The following COP1 variants were observed in gnomAD, a reference collection of about 807,000 sequenced individuals.
COP1 encodes the protein COP1 E3 ubiquitin ligase.
COP1 carries 24 observed loss-of-function variants against 101.3 expected under a neutral mutation model. That is an observed-to-expected ratio of 0.24 (90% CI 0.17 to 0.33). The LOEUF (loss-of-function observed/expected upper bound fraction) is 0.33, where lower values mean the gene tolerates loss of function less well. Ranked by LOEUF, COP1 falls within the 10% of genes least tolerant of loss-of-function variation. The pLI, the probability that COP1 is intolerant of heterozygous loss-of-function variation, is 1.00. For synonymous variants in COP1, 347 were observed against 341.9 expected (o/e 1.01, Z -0.17); for missense variants, 663 against 906.2 (o/e 0.73, Z 3.45).
chr1:176,058,135 TG>T lies in COP1; in HGVS notation c.1278-11812del, dbSNP rs1269113035. Among the ~76,000 whole-genome samples, 23 of 68,136 alleles carry T rather than the reference TG, an allele frequency of 3.4e-4. 2 individuals are homozygous for T. Among genetic ancestry groups the T allele is most frequent in the African/African-American group, 9.7e-4 (19 of 19,638 alleles). 44.7% of individuals were successfully genotyped at this position (68,136 alleles called of 152,430 possible). A position where few individuals can be genotyped will look rare whatever the true frequency, so the allele number is the denominator to read the frequency against. ...CCACCCCGTCGGGAGGGAGGTGGGGTGGGGGGGGGGTCAGCCCCCGCCCGGC... is the reference window on the plus strand; with the variant it reads ...CCACCCCGTCGGGAGGGAGGTGGGGTGGGGGGGGGTCAGCCCCCGCCCGGC... On this transcript the variant is annotated intron_variant, in intron 11 of 19. Transcript: ENST00000367669.
At chr1:176,168,822 G>A in intron 3 of COP1, 1 of 193,366 alleles carries the variant, frequency 5.2e-6, no homozygotes, top group Non-Finnish European at 1.1e-5. Flanking sequence ...ATGCAGGGAA[G>A]GGAAGTCAGG....
chr1:176,061,854 A>G (rs943800687), intron 11 of COP1, among the ~76,000 whole-genome samples: 1 of 152,210 alleles, frequency 6.6e-6, no homozygotes, highest in African/African-American at 2.4e-5. Context: ...AGTATCACTC[A>G]TGTTCCTTGA....
intron 15 of COP1, among the ~76,000 whole-genome samples, chr1:176,004,220 G>A (rs1223041507): frequency 1.3e-5 from 2 of 149,530 alleles, no homozygotes; most frequent in Admixed American, 1.3e-4. Context: ...AGACTTTGCT[G>A]AAGTTGCTTA....
rs751642355 is a variant in COP1, at chr1:176,100,282, G to T, written c.1027-14392C>A. ...CAGGCGCCGGTAATCCCAGCTACTT[G>T]GGAGGGTGAGGCAGGAGAATCGCTT... On this transcript the variant is annotated intron_variant, in intron 9 of 19. Coordinates refer to ENST00000367669, the MANE Select transcript of COP1 (RefSeq NM_022457.7). The T allele has an allele frequency of 5.0e-5, 11 of 219,036 alleles. No individual in the cohort carries two copies. The South Asian group carries it at 5.3e-4, about 10-fold the overall frequency. 13.6% of individuals were successfully genotyped at this position (219,036 alleles called of 1,614,324 possible). A position where few individuals can be genotyped will look rare whatever the true frequency, so the allele number is the denominator to read the frequency against.
rs79656503 is a variant in COP1, at chr1:176,101,208, G to A, written c.1027-15318C>T. On this transcript the variant is annotated intron_variant, in intron 9 of 19. Coordinates refer to ENST00000367669, the MANE Select transcript of COP1 (RefSeq NM_022457.7). ...TGACACCCATGGGTGGCACCCTATCGTGGCTGGTGGGACTCGGGATCCAAG... is the reference window on the plus strand; with the variant it reads ...TGACACCCATGGGTGGCACCCTATCATGGCTGGTGGGACTCGGGATCCAAG... Among the ~76,000 whole-genome samples the A allele has an allele frequency of 5.9e-5, 9 of 152,006 alleles. No individual in the cohort carries two copies. The East Asian group carries it at 1.4e-3, about 23-fold the overall frequency.
At chr1:175,945,356 TGAACTCTTTCA>T (rs1250831846) in intron 19 of COP1, among the ~76,000 whole-genome samples, 186 bp from the exon 20 acceptor site, 1 of 152,274 alleles carries the variant, frequency 6.6e-6, no homozygotes, top group Non-Finnish European at 1.5e-5. Flanking sequence ...AACAGCTGCA[TGAACTCTTTCA>T]GATGAGCTAT....
intron 15 of COP1, among the ~76,000 whole-genome samples, chr1:175,994,669 G>T (rs1557870770): frequency 6.6e-6 from 1 of 152,198 alleles, no homozygotes; most frequent in Non-Finnish European, 1.5e-5. Context: ...TAATGGTAAA[G>T]AAATCAATTC....
chr1:175,975,702 C>T (rs993493414), intron 18 of COP1, among the ~76,000 whole-genome samples: 2 of 152,114 alleles, frequency 1.3e-5, no homozygotes, highest in African/African-American at 2.4e-5. Context: ...AGTCACTGCA[C>T]CTGGCCAACC....
chr1:176,198,613 T>C (rs1329057500), intron 1 of COP1, among the ~76,000 whole-genome samples: 2 of 152,062 alleles, frequency 1.3e-5, no homozygotes, highest in Admixed American at 6.5e-5. Context: ...CTGAAAACTT[T>C]ATCGATACAT....
At chr1:176,151,698 C>T (rs1486781474) in intron 5 of COP1, among the ~76,000 whole-genome samples, 1 of 152,160 alleles carries the variant, frequency 6.6e-6, no homozygotes, top group African/African-American at 2.4e-5. Context: ...ATGTGAACTG[C>T]CTATTAAACT....
At chr1:176,192,454 T>C (rs1035227011) in intron 1 of COP1, among the ~76,000 whole-genome samples, 1 of 152,162 alleles carries the variant, frequency 6.6e-6, no homozygotes, top group East Asian at 1.9e-4. Flanking sequence ...TTCTCAAGAC[T>C]ACCCGCTTAC....
At chr1:176,055,660 A>G (rs983801907) in intron 11 of COP1, among the ~76,000 whole-genome samples, 2 of 152,194 alleles carry the variant, frequency 1.3e-5, no homozygotes, top group African/African-American at 4.8e-5. Flanking sequence ...CCTGATAGGC[A>G]TAGTTAACCC....
intron 1 of COP1, among the ~76,000 whole-genome samples, chr1:176,199,865 G>GT (rs1382997221): frequency 6.6e-6 from 1 of 152,202 alleles, no homozygotes; most frequent in Non-Finnish European, 1.5e-5. Context: ...GTGTATTCAT[G>GT]TGTCAAAACT....
At chr1:176,140,785 T>C (rs551213389) in intron 6 of COP1, among the ~76,000 whole-genome samples, 2 of 152,306 alleles carry the variant, frequency 1.3e-5, no homozygotes, top group East Asian at 3.9e-4. Flanking sequence ...ATCACATTTA[T>C]CTTAACACCA....
At chr1:176,090,449 G>A (rs1245082485) in intron 9 of COP1, among the ~76,000 whole-genome samples, 4 of 151,950 alleles carry the variant, frequency 2.6e-5, no homozygotes, top group Non-Finnish European at 5.9e-5. Flanking sequence ...ATTTTATAGC[G>A]TTTGACTCTC....
chr1:175,950,476 G>A (rs1029599495), intron 18 of COP1, among the ~76,000 whole-genome samples: 7 of 152,224 alleles, frequency 4.6e-5, no homozygotes, highest in South Asian at 2.1e-4. Context: ...GAAGTGGTAC[G>A]TACAAGGTTA....
At chr1:175,964,838 A>G (rs1008118761) in intron 18 of COP1, among the ~76,000 whole-genome samples, 1 of 152,224 alleles carries the variant, frequency 6.6e-6, no homozygotes, top group African/African-American at 2.4e-5. Context: ...ACTAGGCTTC[A>G]CACAAAAAAA....
intron 5 of COP1, among the ~76,000 whole-genome samples, chr1:176,149,429 T>G (rs574473018): frequency 4.6e-5 from 7 of 152,130 alleles, no homozygotes; most frequent in Non-Finnish European, 1.5e-5. Flanking sequence ...GTAACATAGC[T>G]TATAGACACT....
chr1:176,105,709 T>C (rs1171027576), intron 9 of COP1, among the ~76,000 whole-genome samples: 2 of 152,176 alleles, frequency 1.3e-5, no homozygotes, highest in African/African-American at 4.8e-5. Flanking sequence ...GATAAATAAT[T>C]TTCTGTAATC....
Sources: allele counts gnomAD v4.1 joint callset (sites outside exome capture counted in the v4.1 genomes callset), GRCh38; gene constraint gnomAD v4.1.1; transcripts MANE v1.5; gene names NCBI Gene and HGNC (gene_info 2026-07-23, HGNC 2026-07-21).